GALNT13: variants seen among roughly 807,000 people sequenced by gnomAD.
GALNT13 encodes UDP-GalNAc:polypeptide N-acetylgalactosaminyltransferase 13.
GALNT13 carries 28 observed loss-of-function variants against 64.2 expected under a neutral mutation model. The ratio of observed to expected loss-of-function variants is 0.44; its 90% CI spans 0.32 to 0.60. The LOEUF is 0.60. GALNT13 is among the 20% of genes least tolerant of loss of function. The pLI, the probability that GALNT13 is intolerant of heterozygous loss-of-function variation, is 0.05. For missense variants in GALNT13, 577 were observed against 669.8 expected (o/e 0.86, Z 1.53); for synonymous variants, 214 against 224.6 (o/e 0.95, Z 0.42).
At chr2:154,171,595 T>G (rs1685352025) in intron 4 of GALNT13, among the ~76,000 whole-genome samples, 1 of 152,120 alleles carries the variant, frequency 6.6e-6, no homozygotes, top group Non-Finnish European at 1.5e-5. Context: ...CATACTTTTC[T>G]GAACTCTAAA....
intron 3 of GALNT13, among the ~76,000 whole-genome samples, chr2:154,134,592 G>T (rs563483186): frequency 6.6e-6 from 1 of 152,312 alleles, no homozygotes; most frequent in African/African-American, 2.4e-5. Context: ...TTAAATAAAT[G>T]ATGGTATATC....
chr2:153,870,270 T>C (rs1685839410), upstream of GALNT13, among the ~76,000 whole-genome samples: 1 of 152,214 alleles, frequency 6.6e-6, no homozygotes, highest in African/African-American at 2.4e-5. Flanking sequence ...ACCAAGTTTA[T>C]GATTCTGCCT....
At chr2:154,097,664 G>C (rs1045213254) in intron 3 of GALNT13, among the ~76,000 whole-genome samples, 1 of 149,536 alleles carries the variant, frequency 6.7e-6, no homozygotes, top group Admixed American at 6.7e-5. Context: ...GACTCTGAAA[G>C]CTCCTTTGAA....
the GALNT13 span, among the ~76,000 whole-genome samples, chr2:153,301,351 A>G: frequency 6.9e-6 from 1 of 144,754 alleles, no homozygotes; most frequent in Non-Finnish European, 1.5e-5. Flanking sequence ...AACTCACAAG[A>G]TTTCCTCCCA....
At chr2:153,904,242 CT>C (rs1416743621) in intron 2 of GALNT13, among the ~76,000 whole-genome samples, 4 of 151,802 alleles carry the variant, frequency 2.6e-5, no homozygotes, top group African/African-American at 9.7e-5. Flanking sequence ...CATTTGTGCT[CT>C]TTCTAGGTTT....
chr2:154,180,795 T>C (rs755018447), intron 4 of GALNT13, among the ~76,000 whole-genome samples: 15 of 152,182 alleles, frequency 9.9e-5, no homozygotes, highest in Non-Finnish European at 1.9e-4. Flanking sequence ...TTAATTTCAT[T>C]GCTCTTTTTT....
intron 3 of GALNT13, among the ~76,000 whole-genome samples, chr2:153,970,162 TCA>T (rs1178673083): frequency 6.6e-6 from 1 of 152,200 alleles, no homozygotes; most frequent in Admixed American, 6.5e-5. Context: ...TGAATTCAGT[TCA>T]CAGTTTCTTT....
the GALNT13 span, among the ~76,000 whole-genome samples, chr2:153,566,348 G>GT: frequency 5.1e-3 from 378 of 74,766 alleles, 10 homozygotes; most frequent in Middle Eastern, 0.014. Context: ...TTCTAATCAC[G>GT]TTTTTTTTTT....
the GALNT13 span, among the ~76,000 whole-genome samples, chr2:153,460,167 C>T: frequency 6.6e-6 from 1 of 152,074 alleles, no homozygotes; most frequent in African/African-American, 2.4e-5. Flanking sequence ...AATTTCTTCT[C>T]ACTTCTCTCT....
chr2:154,243,006 A>C, intron 6 of GALNT13, 101 bp downstream of exon 6: 1 of 965,226 alleles, frequency 1.0e-6, no homozygotes, highest in Non-Finnish European at 1.5e-6. Context: ...TATTTTTAGA[A>C]GGTTTATTTT....
chr2:154,266,960 T>C (rs2105914602), intron 8 of GALNT13, among the ~76,000 whole-genome samples: 1 of 152,114 alleles, frequency 6.6e-6, no homozygotes, highest in South Asian at 2.1e-4. Flanking sequence ...AAATGTATTA[T>C]AAAGCTATAA....
chr2:153,373,112 T>G, the GALNT13 span, among the ~76,000 whole-genome samples: 1 of 150,474 alleles, frequency 6.6e-6, no homozygotes, highest in African/African-American at 2.5e-5. Context: ...TTTATAGCCT[T>G]TGCCCATTAT....
chr2:153,440,861 T>C, the GALNT13 span, among the ~76,000 whole-genome samples: 9 of 152,182 alleles, frequency 5.9e-5, no homozygotes, highest in Non-Finnish European at 1.0e-4. Context: ...CTTTGTCAGA[T>C]GTATAGAATG....
the GALNT13 span, among the ~76,000 whole-genome samples, chr2:153,298,148 C>A: frequency 6.6e-6 from 1 of 152,168 alleles, no homozygotes; most frequent in Non-Finnish European, 1.5e-5. Flanking sequence ...TCTGGTTCTT[C>A]TTTACCTATC....
the GALNT13 span, among the ~76,000 whole-genome samples, chr2:153,648,418 C>G: frequency 6.6e-6 from 1 of 152,114 alleles, no homozygotes. Context: ...CTAACAGGGA[C>G]AATTTGACTT....
At chr2:154,379,587 A>C (rs1039819925) in intron 9 of GALNT13, among the ~76,000 whole-genome samples, 1 of 152,100 alleles carries the variant, frequency 6.6e-6, no homozygotes, top group Non-Finnish European at 1.5e-5. Flanking sequence ...AAACTACTTA[A>C]AATGTAAAAA....
At chr2:153,131,112 AAC>A in the GALNT13 span, among the ~76,000 whole-genome samples, 2 of 152,206 alleles carry the variant, frequency 1.3e-5, no homozygotes, top group African/African-American at 4.8e-5. Context: ...TATTAATAGT[AAC>A]ACAGAATTAT....
chr2:153,638,620 G>A, the GALNT13 span, among the ~76,000 whole-genome samples: 3 of 20,958 alleles, frequency 1.4e-4, 1 homozygote, highest in African/African-American at 3.1e-4. Flanking sequence ...GTAGGAAAAT[G>A]AAGAGCTTCT....
the GALNT13 span, among the ~76,000 whole-genome samples, chr2:153,699,890 A>C: frequency 6.6e-6 from 1 of 152,208 alleles, no homozygotes. Context: ...AGATCGATTC[A>C]CAGCCGAATT....
Sources: allele counts gnomAD v4.1 joint callset (sites outside exome capture counted in the v4.1 genomes callset), GRCh38; gene constraint gnomAD v4.1.1; transcripts MANE v1.5; gene names NCBI Gene and HGNC (gene_info 2026-07-23, HGNC 2026-07-21).